SDK2: variants seen among roughly 807,000 people sequenced by gnomAD.
SDK2 encodes protein sidekick-2.
Under a neutral mutation model 253.9 loss-of-function variants are expected in SDK2, and 105 were observed. The ratio of observed to expected loss-of-function variants is 0.41; its 90% CI spans 0.35 to 0.49. SDK2 has a LOEUF of 0.49. Ranked by LOEUF, SDK2 falls within the 20% of genes least tolerant of loss-of-function variation. The probability of loss-of-function intolerance (pLI) is 0.06; values close to 1 mark genes in which losing one functional copy is unlikely to be tolerated. For missense variants in SDK2, 2,608 were observed against 3,003.0 expected (o/e 0.87, Z 3.07); for synonymous variants, 1,249 against 1,234.9 (o/e 1.01, Z -0.24).
At chr17:73,342,033 T>C (rs952943595) in intron 44 of SDK2, among the ~76,000 whole-genome samples, 2 of 151,970 alleles carry the variant, frequency 1.3e-5, no homozygotes, top group Non-Finnish European at 2.9e-5. Context: ...TCTTAACTCC[T>C]ACACTCCTGC....
At chr17:73,610,798 G>C (rs2045964168) in intron 1 of SDK2, among the ~76,000 whole-genome samples, 1 of 152,044 alleles carries the variant, frequency 6.6e-6, no homozygotes, top group Non-Finnish European at 1.5e-5. Context: ...TATGCATTTG[G>C]TATGTGTACA....
chr17:73,377,146 T>A (rs2062788866), intron 36 of SDK2, among the ~76,000 whole-genome samples: 1 of 149,844 alleles, frequency 6.7e-6, no homozygotes, highest in Admixed American at 6.6e-5. Flanking sequence ...TGGACACTGG[T>A]GCGGGAGGCA....
Position 73,567,628 on chromosome 17 carries a change from C to G in SDK2, c.65-60031G>C, listed in dbSNP as rs933441647. Reference sequence around the variant, plus strand: ...GCCAGGGGGGCTGTGCCTTACAAAGCCAGAGGGGTGGAGCTGCCCAGGCCT... The same window carrying G: ...GCCAGGGGGGCTGTGCCTTACAAAGGCAGAGGGGTGGAGCTGCCCAGGCCT... On this transcript the variant is annotated intron_variant, in intron 1 of 44. Coordinates refer to ENST00000392650, the MANE Select transcript of SDK2 (RefSeq NM_001144952.2). Among the ~76,000 whole-genome samples the G allele has an allele frequency of 2.0e-5, 3 of 152,264 alleles. No individual in the cohort carries two copies. In the East Asian group the frequency reaches 5.8e-4, roughly 29 times the overall value.
At chr17:73,342,399 G>C (rs2062445909) in intron 44 of SDK2, among the ~76,000 whole-genome samples, 1 of 152,192 alleles carries the variant, frequency 6.6e-6, no homozygotes, top group Non-Finnish European at 1.5e-5. Flanking sequence ...GGCAGGCCAG[G>C]GAGACTCCAT....
intron 18 of SDK2, among the ~76,000 whole-genome samples, chr17:73,403,383 A>G (rs2063045238): frequency 6.6e-6 from 1 of 152,132 alleles, no homozygotes; most frequent in African/African-American, 2.4e-5. Flanking sequence ...AAATCCCTCA[A>G]GTTCTTGCTC....
At chr17:73,453,361 T>G (rs974130213) in intron 4 of SDK2, among the ~76,000 whole-genome samples, 14 of 147,528 alleles carry the variant, frequency 9.5e-5, no homozygotes, top group Admixed American at 9.0e-4. Context: ...TCTAAGCCAC[T>G]GAGCTGGGGT....
chr17:73,343,374 C>G (rs140755238), intron 44 of SDK2, among the ~76,000 whole-genome samples: 1 of 152,248 alleles, frequency 6.6e-6, no homozygotes, highest in South Asian at 2.1e-4. Context: ...CTGCTGCTCC[C>G]GCCTCCATCT....
intron 4 of SDK2, among the ~76,000 whole-genome samples, chr17:73,449,707 G>A (rs2063478209): frequency 6.6e-6 from 1 of 151,042 alleles, no homozygotes; most frequent in Non-Finnish European, 1.5e-5. Flanking sequence ...GATCACCTGA[G>A]GTCGGGGGTT....
At chr17:73,557,856 G>C in intron 1 of SDK2, among the ~76,000 whole-genome samples, 1 of 152,060 alleles carries the variant, frequency 6.6e-6, no homozygotes, top group East Asian at 1.9e-4. Flanking sequence ...CCTCAGTAAG[G>C]TCTGCCTGCA....
intron 9 of SDK2, among the ~76,000 whole-genome samples, chr17:73,434,248 G>C (rs2063350348): frequency 6.6e-6 from 1 of 152,268 alleles, no homozygotes; most frequent in Non-Finnish European, 1.5e-5. Flanking sequence ...AGCCAAGAGG[G>C]GGACTTCTGC....
At position 73,623,839 on chromosome 17, in the gene SDK2, A is replaced by G. The variant is rs182933037; in HGVS notation, c.64+20186T>C. 1.4e-4 allele frequency among the ~76,000 whole-genome samples: 21 copies of G among 152,318 alleles called. No individual in the cohort carries two copies. In the East Asian group the frequency reaches 3.9e-3, roughly 28 times the overall value. On this transcript the variant is annotated intron_variant, in intron 1 of 44. Transcript: ENST00000392650. ...GGGAATTGCCCTTCAATAAGTGATG[A>G]GTTCCCCCAAGAGCTCTCCTGTGCT... is the stretch of plus-strand genomic sequence containing the variant.
chr17:73,593,241 T>C (rs771822685), intron 1 of SDK2, among the ~76,000 whole-genome samples: 16 of 152,150 alleles, frequency 1.1e-4, no homozygotes, highest in Non-Finnish European at 2.4e-4. Context: ...CCTTCTGTCA[T>C]CCCTGGATCC....
chr17:73,628,888 T>C (rs1374883184), intron 1 of SDK2, among the ~76,000 whole-genome samples: 1 of 152,156 alleles, frequency 6.6e-6, no homozygotes, highest in Admixed American at 6.5e-5. Flanking sequence ...GGCTGGTGGC[T>C]ACCCAGATGT....
intron 4 of SDK2, among the ~76,000 whole-genome samples, chr17:73,452,460 TG>T (rs2063496566): frequency 6.6e-6 from 1 of 152,092 alleles, no homozygotes. Context: ...GTGCAGGGGC[TG>T]GGGGTGTGTG....
At chr17:73,389,262 T>C (rs1230837269) in intron 29 of SDK2, among the ~76,000 whole-genome samples, 6 of 147,792 alleles carry the variant, frequency 4.1e-5, no homozygotes, top group African/African-American at 1.5e-4. Context: ...CAGCTCACTG[T>C]GACCTCCGCC....
intron 1 of SDK2, among the ~76,000 whole-genome samples, chr17:73,545,700 C>T (rs1325787500): frequency 6.6e-6 from 1 of 152,124 alleles, no homozygotes; most frequent in African/African-American, 2.4e-5. Context: ...AATTGAAGAC[C>T]CCACTGAGCT....
chr17:73,521,083 C>G (rs2145785914), intron 1 of SDK2: 1 of 147,762 alleles, frequency 6.8e-6, no homozygotes, highest in South Asian at 2.2e-4. Context: ...CTCTGCTGCC[C>G]AGGCGGGAGT....
intron 32 of SDK2, among the ~76,000 whole-genome samples, chr17:73,384,449 C>G (rs577493182): frequency 6.6e-6 from 1 of 152,346 alleles, no homozygotes; most frequent in South Asian, 2.1e-4. Context: ...CCTGGTGTTT[C>G]CTGCAAGCTG....
intron 3 of SDK2, among the ~76,000 whole-genome samples, chr17:73,459,720 GAC>G (rs2063551472): frequency 6.7e-6 from 1 of 150,308 alleles, no homozygotes; most frequent in African/African-American, 2.5e-5. Context: ...TTTTTGTAGA[GAC>G]ACAGTCTCGC....
Sources: gnomAD v4.1 joint callset for allele counts (sites outside exome capture counted in the v4.1 genomes callset) on GRCh38, gnomAD v4.1.1 for gene constraint, MANE v1.5 for transcripts, NCBI Gene and HGNC (gene_info 2026-07-23, HGNC 2026-07-21) for gene names.